The following NMNAT3 variants were observed in gnomAD, a reference collection of about 807,000 sequenced individuals.
The protein encoded by NMNAT3 is nicotinamide/nicotinic acid mononucleotide adenylyltransferase 3.
In NMNAT3, 21 loss-of-function variants were observed where a neutral mutation model predicts 24.8. The observed-to-expected ratio is 0.85, with a 90% confidence interval of 0.60 to 1.22. The LOEUF is 1.22. NMNAT3 is among the 50% of genes most tolerant of loss of function. The pLI, the probability that NMNAT3 is intolerant of heterozygous loss-of-function variation, is 0.00. For synonymous variants in NMNAT3, 136 were observed against 155.2 expected (o/e 0.88, Z 0.92); for missense variants, 387 against 436.6 (o/e 0.89, Z 1.01).
intron 1 of NMNAT3, among the ~76,000 whole-genome samples, chr3:139,644,047 A>T (rs1271697505): frequency 6.6e-6 from 1 of 152,222 alleles, no homozygotes; most frequent in Non-Finnish European, 1.5e-5. Flanking sequence ...ACACATAAAT[A>T]GTACCAGAGA....
At chr3:139,613,045 A>T (rs981452592) in intron 3 of NMNAT3, among the ~76,000 whole-genome samples, 6 of 152,228 alleles carry the variant, frequency 3.9e-5, no homozygotes, top group African/African-American at 1.2e-4. Flanking sequence ...AAGAAAACCT[A>T]GGCAATACCA....
intron 1 of NMNAT3, among the ~76,000 whole-genome samples, chr3:139,647,363 G>T (rs1262130922): frequency 6.6e-6 from 1 of 152,124 alleles, no homozygotes; most frequent in Admixed American, 6.5e-5. Flanking sequence ...TGGTTCAAAG[G>T]AAATATCAAA....
chr3:139,572,502 G>A (rs1938554757), intron 6 of NMNAT3, among the ~76,000 whole-genome samples: 1 of 152,024 alleles, frequency 6.6e-6, no homozygotes. Flanking sequence ...CAGATTCCTG[G>A]GCTCTACTCC....
At chr3:139,618,389 T>C (rs191407827) in intron 3 of NMNAT3, among the ~76,000 whole-genome samples, 23 of 152,306 alleles carry the variant, frequency 1.5e-4, no homozygotes, top group Non-Finnish European at 2.8e-4. Context: ...CTGTCAGCTT[T>C]TAAGGTTATG....
chr3:139,591,262 G>T (rs2054157488), intron 3 of NMNAT3, among the ~76,000 whole-genome samples: 1 of 151,742 alleles, frequency 6.6e-6, no homozygotes, highest in African/African-American at 2.4e-5. Context: ...TTTTCAGACC[G>T]GCTTAAGAAA....
intron 3 of NMNAT3, among the ~76,000 whole-genome samples, chr3:139,608,982 T>C (rs544431363): frequency 1.3e-5 from 2 of 152,376 alleles, no homozygotes; most frequent in South Asian, 2.1e-4. Context: ...GTTACAGATA[T>C]TGAATCACAT....
intron 2 of NMNAT3, chr3:139,636,398 A>T (rs965733017): frequency 6.6e-6 from 1 of 152,108 alleles, no homozygotes; most frequent in Admixed American, 6.5e-5. Flanking sequence ...AAAAACCCTT[A>T]CTCAGGACTC....
chr3:139,629,672 T>G (rs746760943), intron 2 of NMNAT3, among the ~76,000 whole-genome samples: 5 of 152,142 alleles, frequency 3.3e-5, no homozygotes, highest in Admixed American at 6.5e-5. Flanking sequence ...GGAAACTGTT[T>G]CAATTTGGCC....
intron 1 of NMNAT3, among the ~76,000 whole-genome samples, chr3:139,671,712 A>C (rs1004153637): frequency 2.0e-5 from 3 of 152,226 alleles, no homozygotes; most frequent in African/African-American, 7.2e-5. Context: ...TTAAAAGCAA[A>C]GCAGTCTTTG....
intron 1 of NMNAT3, among the ~76,000 whole-genome samples, chr3:139,659,511 A>C (rs546553683): frequency 6.6e-6 from 1 of 152,372 alleles, no homozygotes; most frequent in East Asian, 1.9e-4. Flanking sequence ...GTTTTCCTAC[A>C]TGCAAGGGAT....
At chr3:139,673,792 TAG>T (rs141706657) in intron 1 of NMNAT3, among the ~76,000 whole-genome samples, 7 of 150,118 alleles carry the variant, frequency 4.7e-5, no homozygotes, top group Admixed American at 1.3e-4. Flanking sequence ...GAGGAAGGAA[TAG>T]AGAGAGAGAG....
intron 3 of NMNAT3, among the ~76,000 whole-genome samples, chr3:139,604,637 G>T (rs1031256499): frequency 1.3e-5 from 2 of 152,146 alleles, no homozygotes; most frequent in Admixed American, 1.3e-4. Flanking sequence ...CAGGTAGTCT[G>T]GTTCCAGGGC....
intron 3 of NMNAT3, among the ~76,000 whole-genome samples, chr3:139,613,637 A>G (rs886406343): frequency 1.3e-5 from 2 of 152,150 alleles, no homozygotes; most frequent in Non-Finnish European, 2.9e-5. Flanking sequence ...ATTACTGGGT[A>G]TATACCCAAA....
chr3:139,665,458 T>G (rs1268252221), intron 1 of NMNAT3, among the ~76,000 whole-genome samples: 2 of 152,022 alleles, frequency 1.3e-5, no homozygotes, highest in Admixed American at 1.3e-4. Context: ...CAGTCCATAA[T>G]CTCTAGGAGC....
chr3:139,582,506 G>A (rs1190362460), intron 4 of NMNAT3, among the ~76,000 whole-genome samples: 2 of 151,630 alleles, frequency 1.3e-5, no homozygotes, highest in Admixed American at 1.3e-4. Flanking sequence ...GGCAGGTGTG[G>A]TGGTGGGCAC....
intron 3 of NMNAT3, among the ~76,000 whole-genome samples, chr3:139,596,910 A>ATG (rs201904484): frequency 0.11 from 5,733 of 50,688 alleles, 669 homozygotes; most frequent in South Asian, 0.27. Flanking sequence ...TATTTTTGTC[A>ATG]TGTGTGTATA....
intron 3 of NMNAT3, among the ~76,000 whole-genome samples, chr3:139,618,720 A>G (rs1024409711): frequency 2.0e-5 from 3 of 152,218 alleles, no homozygotes; most frequent in Admixed American, 6.5e-5. Context: ...TCATGAGTTG[A>G]TTCAGATGGA....
chr3:139,602,954 A>T (rs895601925), intron 3 of NMNAT3, among the ~76,000 whole-genome samples: 1 of 152,206 alleles, frequency 6.6e-6, no homozygotes, highest in Non-Finnish European at 1.5e-5. Context: ...AAAGTTGCCC[A>T]TTCTCACTAA....
intron 1 of NMNAT3, among the ~76,000 whole-genome samples, chr3:139,664,987 T>A (rs1416012023): frequency 6.6e-6 from 1 of 152,202 alleles, no homozygotes; most frequent in Admixed American, 6.5e-5. Flanking sequence ...TTTGCTGGAT[T>A]TTTATCAGGA....
Sources: gnomAD v4.1 joint callset for allele counts (sites outside exome capture counted in the v4.1 genomes callset) on GRCh38, gnomAD v4.1.1 for gene constraint, MANE v1.5 for transcripts, NCBI Gene and HGNC (gene_info 2026-07-23, HGNC 2026-07-21) for gene names.